Variants in ZNF254 observed in about 807,000 individuals in gnomAD.
The protein encoded by ZNF254 is CTD-2017D11.1.
In ZNF254, 10 loss-of-function variants were observed where a neutral mutation model predicts 12.4. The observed-to-expected ratio is 0.80, with a 90% CI of 0.50 to 1.36. The LOEUF (loss-of-function observed/expected upper bound fraction) is 1.36, where lower values mean the gene tolerates loss of function less well. Among genes scored for constraint, ZNF254 ranks in the 40% most tolerant of loss-of-function variants. ZNF254 has a pLI of 0.00. For synonymous variants in ZNF254, 305 were observed against 253.4 expected (o/e 1.20, Z -1.93); for missense variants, 996 against 763.9 (o/e 1.30, Z -3.58).
intron 1 of ZNF254, chr19:24,104,461 T>C (rs1004293768): frequency 6.6e-6 from 1 of 152,146 alleles, no homozygotes; most frequent in African/African-American, 2.4e-5. Context: ...GCTAAACGTG[T>C]CCCAGATCAA....
intron 3 of ZNF254, among the ~76,000 whole-genome samples, chr19:24,110,634 A>C (rs2145847285): frequency 6.6e-6 from 1 of 152,306 alleles, no homozygotes; most frequent in South Asian, 2.1e-4. Flanking sequence ...GACTTCTAGA[A>C]ATTTTACATC....
At chr19:24,126,084 G>T (rs889055842) in intron 3 of ZNF254, among the ~76,000 whole-genome samples, 170 bp from the exon 4 acceptor site, 5 of 152,076 alleles carry the variant, frequency 3.3e-5, no homozygotes, top group Admixed American at 2.6e-4. Context: ...GATGTATTTT[G>T]GTCTGAATGT....
At chr19:24,106,766 T>A in intron 3 of ZNF254, 123 bp downstream of exon 3, 1 of 877,526 alleles carries the variant, frequency 1.1e-6, no homozygotes, top group Non-Finnish European at 1.7e-6. Context: ...AAGCCTAAAT[T>A]TTTTTTTTAA....
intron 2 of ZNF254, among the ~76,000 whole-genome samples, chr19:24,071,904 G>C (rs759897218): frequency 1.3e-5 from 2 of 152,162 alleles, no homozygotes; most frequent in Non-Finnish European, 2.9e-5. Context: ...TCACCTAGGT[G>C]TTGGACTCAG....
intron 2 of ZNF254, among the ~76,000 whole-genome samples, chr19:24,077,558 G>T (rs1255009512): frequency 6.6e-6 from 1 of 152,200 alleles, no homozygotes; most frequent in African/African-American, 2.4e-5. Flanking sequence ...CTGAGCTCCT[G>T]GGTGATGTGG....
At chr19:24,052,619 A>T (rs1970690976) in intron 2 of ZNF254, among the ~76,000 whole-genome samples, 1 of 152,030 alleles carries the variant, frequency 6.6e-6, no homozygotes, top group Admixed American at 6.6e-5. Context: ...AGGTGATGTG[A>T]CTCTGCTGAC....
chr19:24,059,958 A>C (rs972164800), intron 2 of ZNF254, among the ~76,000 whole-genome samples: 4 of 151,702 alleles, frequency 2.6e-5, no homozygotes, highest in African/African-American at 9.7e-5. Flanking sequence ...GAAAGATGTG[A>C]CTCTTCTCTT....
intron 1 of ZNF254, among the ~76,000 whole-genome samples, chr19:24,104,027 CT>C (rs1568458580): frequency 6.6e-6 from 1 of 151,990 alleles, no homozygotes; most frequent in African/African-American, 2.4e-5. Context: ...ACCCAGCCAA[CT>C]TTTGTATTTT....
chr19:24,090,943 A>ATTTTTT (rs869068959), intron 1 of ZNF254, among the ~76,000 whole-genome samples: 18 of 89,628 alleles, frequency 2.0e-4, no homozygotes, highest in East Asian at 3.4e-4. Flanking sequence ...TGGAGGAGTG[A>ATTTTTT]TTTTTTTTTT....
At chr19:24,123,346 A>T (rs1312068689) in intron 3 of ZNF254, among the ~76,000 whole-genome samples, 1 of 152,192 alleles carries the variant, frequency 6.6e-6, no homozygotes, top group African/African-American at 2.4e-5. Flanking sequence ...ATCAAGTAAA[A>T]TGTATGAGCT....
intron 2 of ZNF254, among the ~76,000 whole-genome samples, chr19:24,055,963 A>G (rs537609380): frequency 6.6e-6 from 1 of 152,318 alleles, no homozygotes; most frequent in South Asian, 2.1e-4. Flanking sequence ...GTTTAATTGT[A>G]ACATTTTTCT....
intron 1 of ZNF254, among the ~76,000 whole-genome samples, chr19:24,100,981 C>T (rs1372360586): frequency 2.6e-5 from 4 of 152,042 alleles, no homozygotes; most frequent in African/African-American, 9.7e-5. Flanking sequence ...GCATGGGCCA[C>T]CATGCCCGGC....
intron 1 of ZNF254, among the ~76,000 whole-genome samples, chr19:24,090,505 C>T (rs766419881): frequency 7.9e-5 from 12 of 151,860 alleles, no homozygotes; most frequent in Non-Finnish European, 1.2e-4. Context: ...GGTACCATCT[C>T]GGTCCACTGC....
At chr19:24,083,751 A>G (rs2145597358), upstream of ZNF254, among the ~76,000 whole-genome samples, 1 of 152,316 alleles carries the variant, frequency 6.6e-6, no homozygotes, top group South Asian at 2.1e-4. Context: ...ACTAATGATT[A>G]ATGATCAGGA....
At chr19:24,061,486 A>G (rs1220497237) in intron 2 of ZNF254, among the ~76,000 whole-genome samples, 1 of 152,226 alleles carries the variant, frequency 6.6e-6, no homozygotes, top group Non-Finnish European at 1.5e-5. Context: ...AACACACTGC[A>G]GGGCCCAGCC....
chr19:24,104,919 A>C (rs1387557106), intron 1 of ZNF254: 1 of 152,190 alleles, frequency 6.6e-6, no homozygotes. Flanking sequence ...ATCAAGAGAT[A>C]CCTCCTTATT....
Position 24,090,893 on chromosome 19 carries a change from A to T in ZNF254, c.30+3556A>T, listed in dbSNP as rs1421412466. The stretch of plus-strand genomic sequence containing the variant: ...ATTTTCATTTACCTTTTTCTTTCTC[A>T]GAGTGAGTTTAGGAAGTTTCTCGGA... On this transcript the variant is annotated intron_variant, in intron 1 of 3. Coordinates refer to ENST00000357002, the MANE Select transcript of ZNF254 (RefSeq NM_203282.4). 2.0e-5 allele frequency among the ~76,000 whole-genome samples: 3 copies of T among 150,644 alleles called. No individual in the cohort carries two copies. In the East Asian group the frequency reaches 5.8e-4, roughly 29 times the overall value.
chr19:24,078,029 A>AT (rs1041615430), intron 2 of ZNF254, among the ~76,000 whole-genome samples: 5 of 152,072 alleles, frequency 3.3e-5, no homozygotes, highest in Non-Finnish European at 5.9e-5. Context: ...ACCCAGGGGC[A>AT]TTTTTTGTTG....
chr19:24,113,576 T>A (rs1444902917), intron 3 of ZNF254, among the ~76,000 whole-genome samples: 1 of 152,126 alleles, frequency 6.6e-6, no homozygotes, highest in Non-Finnish European at 1.5e-5. Flanking sequence ...ACAGCCAATA[T>A]CATACTGAAT....
Sources: allele counts gnomAD v4.1 joint callset (sites outside exome capture counted in the v4.1 genomes callset), GRCh38; gene constraint gnomAD v4.1.1; transcripts MANE v1.5; gene names NCBI Gene and HGNC (gene_info 2026-07-23, HGNC 2026-07-21).